Variants in ZFPM2 observed in about 807,000 individuals in gnomAD.
The protein encoded by ZFPM2 is zinc finger protein ZFPM2.
In ZFPM2, 20 loss-of-function variants were observed where a neutral mutation model predicts 98.6. The ratio of observed to expected loss-of-function variants is 0.20; its 90% CI spans 0.14 to 0.29. The LOEUF is 0.29. ZFPM2 is among the 10% of genes least tolerant of loss of function. The pLI is 1.00. For missense variants in ZFPM2, 1,310 were observed against 1,388.6 expected, an observed-to-expected ratio of 0.94 and a Z score of 0.90; for synonymous variants, 518 against 502.7, an observed-to-expected ratio of 1.03 and a Z score of -0.41.
intron 4 of ZFPM2, among the ~76,000 whole-genome samples, chr8:105,584,050 GT>G (rs888920752): frequency 2.6e-5 from 4 of 151,352 alleles, no homozygotes; most frequent in East Asian, 1.9e-4. Context: ...TTTTTCTTTG[GT>G]TTTTTTTGGT....
At chr8:105,524,400 C>T (rs1166806688) in intron 3 of ZFPM2, among the ~76,000 whole-genome samples, 3 of 151,932 alleles carry the variant, frequency 2.0e-5, no homozygotes, top group African/African-American at 2.4e-5. Flanking sequence ...CACTCCTTTC[C>T]GTTTTGCCTT....
chr8:105,573,296 G>C (rs1815396475), intron 4 of ZFPM2, among the ~76,000 whole-genome samples: 1 of 152,166 alleles, frequency 6.6e-6, no homozygotes, highest in African/African-American at 2.4e-5. Context: ...CACTTTTGCT[G>C]AATTCTAGGG....
intron 3 of ZFPM2, among the ~76,000 whole-genome samples, chr8:105,519,778 A>G (rs1175953757): frequency 1.3e-5 from 2 of 151,498 alleles, no homozygotes; most frequent in African/African-American, 2.4e-5. Flanking sequence ...GTGTGTTGAC[A>G]TTACTTTTGA....
At chr8:105,639,516 A>C (rs527688295) in intron 5 of ZFPM2, among the ~76,000 whole-genome samples, 9 of 152,040 alleles carry the variant, frequency 5.9e-5, no homozygotes, top group Non-Finnish European at 1.0e-4. Context: ...GCGAAGCCAC[A>C]ATATTATTAT....
chr8:105,664,081 G>C (rs1399624888), intron 5 of ZFPM2, among the ~76,000 whole-genome samples: 3 of 152,132 alleles, frequency 2.0e-5, no homozygotes, highest in Admixed American at 6.5e-5. Context: ...GATAATTGTG[G>C]ATATTCCTTT....
At chr8:105,459,601 G>A (rs1330697699) in intron 3 of ZFPM2, among the ~76,000 whole-genome samples, 12 of 152,102 alleles carry the variant, frequency 7.9e-5, no homozygotes, top group African/African-American at 2.7e-4. Context: ...ATCAGCAGGC[G>A]TGGTTTCTAG....
intron 1 of ZFPM2, among the ~76,000 whole-genome samples, chr8:105,337,308 C>T (rs374105074): frequency 3.3e-5 from 5 of 151,736 alleles, no homozygotes; most frequent in Admixed American, 1.3e-4. Context: ...GTTTTCTAAA[C>T]ATTTTGCTAC....
intron 4 of ZFPM2, among the ~76,000 whole-genome samples, chr8:105,589,713 C>T (rs1213874196): frequency 6.6e-6 from 1 of 152,010 alleles, no homozygotes. Flanking sequence ...TTGGCACTTT[C>T]TCTTTAACTC....
chr8:105,453,267 T>A (rs907699023), intron 3 of ZFPM2, among the ~76,000 whole-genome samples: 3 of 152,180 alleles, frequency 2.0e-5, no homozygotes, highest in Admixed American at 1.3e-4. Context: ...AGAGAGTGTA[T>A]GTTCTACCAG....
chr8:105,623,698 C>T (rs1264437048), intron 4 of ZFPM2, among the ~76,000 whole-genome samples: 4 of 152,040 alleles, frequency 2.6e-5, no homozygotes, highest in Non-Finnish European at 5.9e-5. Flanking sequence ...CCACAGAATA[C>T]CTTTGGGTAA....
intron 5 of ZFPM2, among the ~76,000 whole-genome samples, chr8:105,681,715 T>C (rs1336325538): frequency 6.6e-6 from 1 of 152,090 alleles, no homozygotes; most frequent in South Asian, 2.1e-4. Flanking sequence ...CCTTCCTTTT[T>C]CCCCCTGTAA....
At chr8:105,627,075 A>T (rs1816672119) in intron 4 of ZFPM2, among the ~76,000 whole-genome samples, 1 of 152,106 alleles carries the variant, frequency 6.6e-6, no homozygotes, top group Non-Finnish European at 1.5e-5. Context: ...GGACAACATT[A>T]TGTCACCAGT....
intron 2 of ZFPM2, among the ~76,000 whole-genome samples, chr8:105,419,859 G>A (rs1036301836): frequency 7.7e-5 from 11 of 143,012 alleles, no homozygotes; most frequent in African/African-American, 3.4e-4. Flanking sequence ...AATCCAAGAA[G>A]CACTTGAGAC....
At chr8:105,599,796 A>G (rs902877436) in intron 4 of ZFPM2, among the ~76,000 whole-genome samples, 3 of 152,162 alleles carry the variant, frequency 2.0e-5, no homozygotes, top group African/African-American at 7.2e-5. Context: ...AATAAAAATT[A>G]GAAGAGATTC....
At chr8:105,589,225 G>C (rs2130760413) in intron 4 of ZFPM2, among the ~76,000 whole-genome samples, 1 of 152,296 alleles carries the variant, frequency 6.6e-6, no homozygotes, top group South Asian at 2.1e-4. Flanking sequence ...ATGACAGACT[G>C]TCATTTCATC....
chr8:105,390,410 A>T (rs1475670364), intron 1 of ZFPM2, among the ~76,000 whole-genome samples: 2 of 152,230 alleles, frequency 1.3e-5, no homozygotes, highest in Non-Finnish European at 2.9e-5. Flanking sequence ...AAGGTCTAGC[A>T]TGGTTTCGAA....
At chr8:105,544,738 C>A (rs1478956316) in intron 3 of ZFPM2, among the ~76,000 whole-genome samples, 1 of 152,092 alleles carries the variant, frequency 6.6e-6, no homozygotes, top group African/African-American at 2.4e-5. Context: ...AGAAAAGTGA[C>A]CCCCCAAATG....
At position 105,801,508 on chromosome 8, in the gene ZFPM2, A is replaced by G. The variant is rs1486253620; in HGVS notation, c.1426A>G (p.Ser476Gly). Reference sequence around the variant, plus strand: ...CACAAAAATAAAGTCTGAGCCCTCTAGCCCAAGACTTGCCTCATCTCCAGT... The same window carrying G: ...CACAAAAATAAAGTCTGAGCCCTCTGGCCCAAGACTTGCCTCATCTCCAGT... Reference protein sequence around the residue: ...SYTKIKSEPSSPRLASSPVQP... With the variant: ...SYTKIKSEPSGPRLASSPVQP... Residue 476 changes from serine to glycine, a missense_variant, in exon 8 of 8, where the codon AGC (serine) becomes GGC (glycine). By Grantham distance (56) the Ser-to-Gly change is moderately conservative. Coordinates refer to ENST00000407775, the MANE Select transcript of ZFPM2 (RefSeq NM_012082.4). The G allele has an allele frequency of 6.2e-7, 1 of 1,613,954 alleles. No homozygotes were observed. The highest frequency in any genetic ancestry group is 8.5e-7 in the Non-Finnish European group (1 of 1,179,870).
chr8:105,470,594 A>G (rs1476575462), intron 3 of ZFPM2, among the ~76,000 whole-genome samples: 1 of 152,126 alleles, frequency 6.6e-6, no homozygotes. Context: ...CCTGGACAAA[A>G]TGGCGAAACC....
Sources: allele counts gnomAD v4.1 joint callset (sites outside exome capture counted in the v4.1 genomes callset), GRCh38; gene constraint gnomAD v4.1.1; transcripts MANE v1.5; gene names NCBI Gene and HGNC (gene_info 2026-07-23, HGNC 2026-07-21).